The following NBAS variants were observed in gnomAD, a reference collection of about 807,000 sequenced individuals.
NBAS encodes the protein NAG/BC035112 fusion.
A neutral mutation model predicts 302.5 loss-of-function variants in NBAS; 219 were observed. The ratio of observed to expected loss-of-function variants is 0.72; its 90% CI spans 0.65 to 0.81. NBAS has a LOEUF of 0.81. Ranked by LOEUF, NBAS falls within the 30% of genes least tolerant of loss-of-function variation. The pLI is 0.00. For synonymous variants in NBAS, 1,118 were observed against 1,021.6 expected, an observed-to-expected ratio of 1.09 and a Z score of -1.80; for missense variants, 2,932 against 2,841.6, an observed-to-expected ratio of 1.03 and a Z score of -0.72.
intron 50 of NBAS, among the ~76,000 whole-genome samples, chr2:15,182,110 C>G (rs1299695343): frequency 6.6e-6 from 1 of 152,222 alleles, no homozygotes; most frequent in East Asian, 1.9e-4. Context: ...AGGCACTGTA[C>G]CTGGGCCAAC....
chr2:15,036,689 A>T, the NBAS span, among the ~76,000 whole-genome samples: 1 of 152,184 alleles, frequency 6.6e-6, no homozygotes, highest in Non-Finnish European at 1.5e-5. Context: ...GGAGCTTGTA[A>T]CTTACAGCTT....
At chr2:15,204,202 C>T (rs895198162) in intron 48 of NBAS, among the ~76,000 whole-genome samples, 15 of 151,714 alleles carry the variant, frequency 9.9e-5, no homozygotes, top group African/African-American at 2.2e-4. Flanking sequence ...GGGGCTGCAG[C>T]GAGCCACAAT....
chr2:15,055,155 A>G, the NBAS span, among the ~76,000 whole-genome samples: 1 of 152,208 alleles, frequency 6.6e-6, no homozygotes, highest in Non-Finnish European at 1.5e-5. Context: ...AGAGAAGGAA[A>G]GCAAGGGGAA....
intron 32 of NBAS, among the ~76,000 whole-genome samples, chr2:15,356,907 A>T (rs1387450770): frequency 1.3e-5 from 2 of 152,224 alleles, no homozygotes; most frequent in African/African-American, 4.8e-5. Context: ...TTGTTCCTTA[A>T]CAAATTCTCG....
At chr2:14,847,106 G>C in the NBAS span, among the ~76,000 whole-genome samples, 1 of 151,982 alleles carries the variant, frequency 6.6e-6, no homozygotes, top group East Asian at 1.9e-4. Flanking sequence ...ATAGACGGCC[G>C]GGCATGGTGG....
the NBAS span, among the ~76,000 whole-genome samples, chr2:15,117,080 G>A: frequency 7.2e-5 from 11 of 152,066 alleles, no homozygotes; most frequent in South Asian, 2.1e-4. Context: ...TGTGCCCTTC[G>A]CAATACGTAT....
At chr2:15,122,134 GT>G in the NBAS span, among the ~76,000 whole-genome samples, 578 of 145,200 alleles carry the variant, frequency 4.0e-3, 4 homozygotes, top group Middle Eastern at 0.018. Context: ...CCGTTAGCCT[GT>G]TTTTTTTTTT....
chr2:15,150,066 CAAAAA>C, the NBAS span, among the ~76,000 whole-genome samples: 2 of 64,184 alleles, frequency 3.1e-5, no homozygotes. Context: ...AACCCTGTCT[CAAAAA>C]AAAAAAAAAA....
intron 42 of NBAS, among the ~76,000 whole-genome samples, chr2:15,285,526 T>C (rs780569066): frequency 6.6e-6 from 1 of 152,228 alleles, no homozygotes; most frequent in Non-Finnish European, 1.5e-5. Context: ...TTCTCATCTA[T>C]GTGCGTATGA....
At chr2:14,814,389 C>A in the NBAS span, among the ~76,000 whole-genome samples, 1 of 152,188 alleles carries the variant, frequency 6.6e-6, no homozygotes, top group Non-Finnish European at 1.5e-5. Context: ...TCCACAGGGG[C>A]AAAGCTACCC....
chr2:15,287,266 T>C (rs1022602455), intron 41 of NBAS, 83 bp from the exon 42 acceptor site: 173 of 997,956 alleles, frequency 1.7e-4, no homozygotes, highest in Non-Finnish European at 2.5e-4. Context: ...TCATTAGGAC[T>C]GCTCTCCAGT....
downstream of NBAS, among the ~76,000 whole-genome samples, chr2:15,165,504 G>T (rs1352535072): frequency 6.6e-6 from 1 of 152,228 alleles, no homozygotes; most frequent in Non-Finnish European, 1.5e-5. Context: ...CTCCAAAGAT[G>T]ACCAAAACTT....
the NBAS span, among the ~76,000 whole-genome samples, chr2:15,152,880 C>T: frequency 6.6e-6 from 1 of 152,150 alleles, no homozygotes; most frequent in African/African-American, 2.4e-5. Flanking sequence ...GAATGGAGCA[C>T]CGCTCCCTTC....
the NBAS span, among the ~76,000 whole-genome samples, chr2:14,897,063 C>CTT: frequency 6.6e-5 from 9 of 136,464 alleles, 1 homozygote; most frequent in African/African-American, 1.8e-4. Context: ...AGCCGTTCCT[C>CTT]TTTTTTTTTT....
At chr2:15,403,442 C>A (rs1162787601) in intron 25 of NBAS, among the ~76,000 whole-genome samples, 2 of 152,176 alleles carry the variant, frequency 1.3e-5, no homozygotes, top group African/African-American at 4.8e-5. Context: ...GAAAAAGTGT[C>A]TGTACTGAAC....
At chr2:15,496,119 C>CAA (rs1348647516) in intron 11 of NBAS, among the ~76,000 whole-genome samples, 5 of 151,556 alleles carry the variant, frequency 3.3e-5, no homozygotes, top group Non-Finnish European at 7.4e-5. Flanking sequence ...CACACACACA[C>CAA]ACACACACAA....
At chr2:14,936,442 T>C in the NBAS span, among the ~76,000 whole-genome samples, 1 of 152,242 alleles carries the variant, frequency 6.6e-6, no homozygotes, top group Non-Finnish European at 1.5e-5. Context: ...CAGGTTTCTG[T>C]GCTGCACCTC....
chr2:14,796,086 A>G, the NBAS span, among the ~76,000 whole-genome samples: 1 of 152,230 alleles, frequency 6.6e-6, no homozygotes, highest in Admixed American at 6.5e-5. Flanking sequence ...TTCATTCCAG[A>G]ACCATTTGTT....
the NBAS span, among the ~76,000 whole-genome samples, chr2:15,032,609 T>G: frequency 6.6e-6 from 1 of 152,294 alleles, no homozygotes; most frequent in African/African-American, 2.4e-5. Flanking sequence ...GAACTAGAAC[T>G]TAAATATTTA....
Sources: gnomAD v4.1 joint callset for allele counts (sites outside exome capture counted in the v4.1 genomes callset) on GRCh38, gnomAD v4.1.1 for gene constraint, MANE v1.5 for transcripts, NCBI Gene and HGNC (gene_info 2026-07-23, HGNC 2026-07-21) for gene names.